PLA2R1: variants seen among roughly 807,000 people sequenced by gnomAD.
PLA2R1 encodes the protein phospholipase A2 receptor 1.
In PLA2R1, 158 loss-of-function variants were observed where a neutral mutation model predicts 195.9. That is an observed-to-expected ratio of 0.81 (90% confidence interval 0.71 to 0.92). PLA2R1 has a LOEUF of 0.92. PLA2R1 is among the 40% of genes least tolerant of loss of function. The pLI, the probability that PLA2R1 is intolerant of heterozygous loss-of-function variation, is 0.00. For synonymous variants in PLA2R1, 586 were observed against 598.2 expected (o/e 0.98, Z 0.30); for missense variants, 1,626 against 1,764.6 (o/e 0.92, Z 1.41).
downstream of PLA2R1, among the ~76,000 whole-genome samples, chr2:159,930,530 C>T (rs1210061527): frequency 6.6e-6 from 1 of 152,180 alleles, no homozygotes; most frequent in Admixed American, 6.5e-5. Context: ...ACCTGTTCCC[C>T]CCAAACCCCT....
intron 9 of PLA2R1, 119 bp downstream of exon 9, chr2:160,016,495 A>AGG (rs72290861): frequency 0.057 from 37,708 of 658,216 alleles, 2,314 homozygotes; most frequent in East Asian, 0.22. Context: ...GGAGAGAGAG[A>AGG]GAGATGAAAG....
At chr2:159,993,912 C>G (rs946359121) in intron 11 of PLA2R1, among the ~76,000 whole-genome samples, 1 of 152,004 alleles carries the variant, frequency 6.6e-6, no homozygotes, top group Non-Finnish European at 1.5e-5. Context: ...AGGGAAAGAA[C>G]TAAGCATTTG....
chr2:159,972,802 A>C (rs900674847), intron 17 of PLA2R1, among the ~76,000 whole-genome samples: 5 of 152,214 alleles, frequency 3.3e-5, no homozygotes, highest in Non-Finnish European at 5.9e-5. Context: ...GATTATCAAG[A>C]TGGCTCAAAA....
intron 6 of PLA2R1, among the ~76,000 whole-genome samples, chr2:160,025,108 T>A (rs1693415501): frequency 6.6e-6 from 1 of 152,112 alleles, no homozygotes; most frequent in Non-Finnish European, 1.5e-5. Flanking sequence ...CCTTCTTCCT[T>A]GGAGGTAAAT....
At chr2:160,023,951 G>C (rs1457322315) in intron 6 of PLA2R1, among the ~76,000 whole-genome samples, 1 of 131,854 alleles carries the variant, frequency 7.6e-6, no homozygotes, top group East Asian at 2.2e-4. Context: ...ACTTCTCTCT[G>C]TAAGGAAAGG....
intron 13 of PLA2R1, among the ~76,000 whole-genome samples, chr2:159,981,769 G>A (rs1689970738): frequency 6.6e-6 from 1 of 152,082 alleles, no homozygotes; most frequent in African/African-American, 2.4e-5. Flanking sequence ...GAGTGCAGTG[G>A]CACAATCATA....
chr2:159,951,254 G>A (rs1328609913), intron 24 of PLA2R1, 86 bp downstream of exon 24: 3 of 751,344 alleles, frequency 4.0e-6, no homozygotes, highest in East Asian at 4.9e-5. Flanking sequence ...CTTTTTTTCA[G>A]TGCTAATTTC....
At chr2:160,048,044 G>A (rs1403632135) in intron 1 of PLA2R1, among the ~76,000 whole-genome samples, 1 of 152,094 alleles carries the variant, frequency 6.6e-6, no homozygotes, top group African/African-American at 2.4e-5. Context: ...TATTGCCCAG[G>A]ATGGTCTCAA....
intron 11 of PLA2R1, among the ~76,000 whole-genome samples, chr2:159,995,162 A>T (rs1159592591): frequency 2.0e-5 from 3 of 152,106 alleles, no homozygotes; most frequent in African/African-American, 7.2e-5. Flanking sequence ...ATTTAAAAGA[A>T]AAAGGGAAAC....
chr2:159,983,159 G>A (rs573855199), intron 13 of PLA2R1, among the ~76,000 whole-genome samples: 2 of 152,116 alleles, frequency 1.3e-5, no homozygotes, highest in Non-Finnish European at 2.9e-5. Flanking sequence ...GCAGATTTCT[G>A]GCTTATTAGA....
rs1689530778 is a variant in PLA2R1 at position 159,976,058 on chromosome 2, G to A, written c.2595+10C>T. On this transcript the variant is annotated intron_variant, in intron 17 of 29. Coordinates refer to ENST00000283243, the MANE Select transcript of PLA2R1 (RefSeq NM_007366.5). ...CTCTGAATTTTTCGTGGTGAGTTAT[G>A]TTCAAGTACCGCTTTTATTTTGCTG... 6.5e-7 allele frequency: 1 copy of A among 1,530,224 alleles called. No homozygotes were observed. Among genetic ancestry groups the A allele is most frequent in the Non-Finnish European group, 8.9e-7 (1 of 1,125,572 alleles). The allele number at this position is 1,530,224 out of a possible 1,614,324, so 94.8% of individuals were successfully genotyped here.
chr2:159,942,552 C>T (rs1488061931), intron 28 of PLA2R1, among the ~76,000 whole-genome samples: 1 of 152,154 alleles, frequency 6.6e-6, no homozygotes, highest in African/African-American at 2.4e-5. Context: ...ACCCTGCATA[C>T]AAGGAACTCA....
chr2:160,020,781 ATTTCT>A (rs1300162032), intron 7 of PLA2R1, among the ~76,000 whole-genome samples: 1 of 152,164 alleles, frequency 6.6e-6, no homozygotes, highest in Non-Finnish European at 1.5e-5. Context: ...TAGGAAATAA[ATTTCT>A]TTTATTTATA....
In PLA2R1 at chr2:160,062,367, GCAGCAGCAGCAGCAGCAGCGACGGCGA is replaced by G; in HGVS notation, c.10_36del (p.Ser4_Leu12del). 5 of 1,349,364 alleles carry G rather than the reference GCAGCAGCAGCAGCAGCAGCGACGGCGA, an allele frequency of 3.7e-6. No homozygotes were observed. In the South Asian group the frequency reaches 6.5e-5, roughly 18 times the overall value. The allele number at this position is 1,349,364 out of a possible 1,614,324, so 83.6% of individuals were successfully genotyped here. A position where few individuals can be genotyped will look rare whatever the true frequency, so the allele number is the denominator to read the frequency against. On this transcript the variant is annotated inframe_deletion, in exon 1 of 30. Coordinates refer to ENST00000283243, the MANE Select transcript of PLA2R1 (RefSeq NM_007366.5). ...TCGGCGCAGCCCCGCGGCGCCCCCA[GCAGCAGCAGCAGCAGCAGCGACGGCGA>G]CAGCAGCATCGCTAACCACTGGGCT...
chr2:159,949,637 A>G lies in PLA2R1; in HGVS notation c.3680T>C (p.Leu1227Pro). The part of the protein sequence containing the change: ...RWHSTACESF[L>P]QGAICHVPPE... ...TGGCACATGACAAATGGCACCTTGCAGAAATGACTCGCAGGCTGTGCTATG... is the reference window on the plus strand; with the variant it reads ...TGGCACATGACAAATGGCACCTTGCGGAAATGACTCGCAGGCTGTGCTATG... The change falls in exon 25 of 30, where the codon CTG (leucine) becomes CCG (proline). Residue 1227 changes from leucine to proline, a missense_variant. By Grantham distance (98) the Leu-to-Pro change is moderately conservative. Coordinates refer to ENST00000283243, the MANE Select transcript of PLA2R1 (RefSeq NM_007366.5). The G allele has an allele frequency of 6.2e-7, 1 of 1,614,090 alleles. No homozygotes were observed. Among genetic ancestry groups the G allele is most frequent in the Non-Finnish European group, 8.5e-7 (1 of 1,179,914 alleles).
intron 3 of PLA2R1, among the ~76,000 whole-genome samples, chr2:160,040,769 G>A (rs1383671880): frequency 1.3e-5 from 2 of 152,230 alleles, no homozygotes; most frequent in East Asian, 3.8e-4. Flanking sequence ...ACTTACAGCA[G>A]AGAGGAGAAA....
chr2:160,049,662 C>G (rs1216233329), intron 1 of PLA2R1, among the ~76,000 whole-genome samples: 1 of 151,826 alleles, frequency 6.6e-6, no homozygotes, highest in Admixed American at 6.6e-5. Context: ...GAGGTCTCTA[C>G]TAAGGATACA....
At chr2:160,008,825 T>G (rs1003553327) in intron 10 of PLA2R1, among the ~76,000 whole-genome samples, 4 of 152,180 alleles carry the variant, frequency 2.6e-5, no homozygotes, top group African/African-American at 9.7e-5. Context: ...ATCCAGAATA[T>G]ATTAAAAATT....
intron 11 of PLA2R1, among the ~76,000 whole-genome samples, chr2:160,000,288 G>A (rs1008743154): frequency 6.6e-6 from 1 of 152,184 alleles, no homozygotes; most frequent in African/African-American, 2.4e-5. Flanking sequence ...AATCTTGGGA[G>A]TGAATAATAA....
Sources: allele counts gnomAD v4.1 joint callset (sites outside exome capture counted in the v4.1 genomes callset), GRCh38; gene constraint gnomAD v4.1.1; transcripts MANE v1.5; gene names NCBI Gene and HGNC (gene_info 2026-07-23, HGNC 2026-07-21).